SH3PXD2B: variants seen among roughly 807,000 people sequenced by gnomAD.
SH3PXD2B encodes SH3 and PX domains 2B, also known as SH3 and PX domain-containing protein 2B.
SH3PXD2B carries 37 observed loss-of-function variants against 73.1 expected under a neutral mutation model. The observed-to-expected ratio is 0.51, with a 90% CI of 0.39 to 0.67. The LOEUF (loss-of-function observed/expected upper bound fraction) is 0.67. SH3PXD2B is among the 30% of genes least tolerant of loss of function. The pLI, the probability that SH3PXD2B is intolerant of heterozygous loss-of-function variation, is 0.00. For missense variants in SH3PXD2B, 1,053 were observed against 1,197.8 expected (o/e 0.88, Z 1.78); for synonymous variants, 457 against 480.5 (o/e 0.95, Z 0.64).
chr5:172,416,619 C>T (rs1281962434), intron 2 of SH3PXD2B, among the ~76,000 whole-genome samples: 3 of 145,064 alleles, frequency 2.1e-5, no homozygotes, highest in Admixed American at 6.9e-5. Flanking sequence ...AGCCACTGCG[C>T]CCGGCCTCTA....
intron 8 of SH3PXD2B, among the ~76,000 whole-genome samples, chr5:172,355,320 T>C (rs752346079): frequency 1.3e-5 from 2 of 152,226 alleles, no homozygotes; most frequent in African/African-American, 4.8e-5. Flanking sequence ...GCACATATCC[T>C]GTGCTCAGCA....
intron 1 of SH3PXD2B, among the ~76,000 whole-genome samples, chr5:172,424,812 G>C (rs1359003798): frequency 6.6e-6 from 1 of 152,214 alleles, no homozygotes; most frequent in Non-Finnish European, 1.5e-5. Flanking sequence ...CAAGCATACA[G>C]AGTTGTGATT....
chr5:172,426,485 A>AGC (rs938482956), intron 1 of SH3PXD2B, among the ~76,000 whole-genome samples: 11 of 152,244 alleles, frequency 7.2e-5, no homozygotes, highest in South Asian at 2.1e-4. Context: ...TGCAACGTTC[A>AGC]GCTTCCCTCA....
chr5:172,371,891 G>A (rs1048126599), intron 6 of SH3PXD2B, among the ~76,000 whole-genome samples: 20 of 152,182 alleles, frequency 1.3e-4, no homozygotes, highest in Non-Finnish European at 1.3e-4. Flanking sequence ...TCTTTTCTGA[G>A]AAACATATAA....
chr5:172,386,945 A>C (rs745311347), intron 4 of SH3PXD2B, among the ~76,000 whole-genome samples: 1 of 152,206 alleles, frequency 6.6e-6, no homozygotes, highest in Non-Finnish European at 1.5e-5. Flanking sequence ...GTTGTGATAT[A>C]AAGTTTTCTC....
At chr5:172,440,151 G>A (rs2113503614) in intron 1 of SH3PXD2B, among the ~76,000 whole-genome samples, 1 of 152,328 alleles carries the variant, frequency 6.6e-6, no homozygotes, top group East Asian at 1.9e-4. Context: ...TTCAAGTGAG[G>A]GCCTCTCTCG....
chr5:172,416,836 G>C (rs1339799210), intron 2 of SH3PXD2B, among the ~76,000 whole-genome samples: 2 of 151,038 alleles, frequency 1.3e-5, no homozygotes, highest in Non-Finnish European at 2.9e-5. Flanking sequence ...AGCCTCCCAA[G>C]TAGCCTGGGC....
At chr5:172,356,266 G>C (rs1757271252) in intron 8 of SH3PXD2B, among the ~76,000 whole-genome samples, 1 of 152,162 alleles carries the variant, frequency 6.6e-6, no homozygotes, top group South Asian at 2.1e-4. Flanking sequence ...GGTGGTGAGA[G>C]AGTCCCAGAT....
chr5:172,329,081 A>AT (rs67185423), downstream of SH3PXD2B, among the ~76,000 whole-genome samples: 15 of 68,214 alleles, frequency 2.2e-4, no homozygotes, highest in East Asian at 8.8e-4. Context: ...ATATATATAT[A>AT]TATTTTTTTT....
intron 3 of SH3PXD2B, among the ~76,000 whole-genome samples, chr5:172,404,869 T>G (rs1487997828): frequency 6.6e-6 from 1 of 152,182 alleles, no homozygotes; most frequent in Non-Finnish European, 1.5e-5. Flanking sequence ...GGCACAAATT[T>G]TGGAGCCAGC....
intron 1 of SH3PXD2B, among the ~76,000 whole-genome samples, chr5:172,438,841 C>CA (rs1179716707): frequency 1.3e-5 from 2 of 151,084 alleles, no homozygotes; most frequent in East Asian, 1.9e-4. Context: ...CATGCTACAC[C>CA]AAAAAACAAA....
At chr5:172,383,561 C>T (rs1171571922) in intron 4 of SH3PXD2B, among the ~76,000 whole-genome samples, 1 of 152,198 alleles carries the variant, frequency 6.6e-6, no homozygotes, top group Non-Finnish European at 1.5e-5. Context: ...TGGCCCGGGC[C>T]CTGGACCAGG....
Position 172,339,245 on chromosome 5 carries a change from A to G in SH3PXD2B, c.1860T>C (p.Thr620=), listed in dbSNP as rs907335200. ...PNLRPISKSK[T]DLPEEKPDAT... is the part of the protein sequence containing the mutation. ...CATCTGGCTTCTCCTCTGGCAGGTC[A>G]GTTTTGGATTTGGAGATGGGCCGGA... Residue 620 remains threonine (T), a synonymous_variant, in exon 13 of 13, where the codon ACT becomes ACC. Transcript: ENST00000311601. The surrounding 1 kb of genome is among the most constrained non-coding windows in gnomAD (Gnocchi z 6.1). The G allele has an allele frequency of 1.3e-5, 21 of 1,614,032 alleles. No homozygotes were observed. Among genetic ancestry groups the G allele is most frequent in the Non-Finnish European group, 1.6e-5 (19 of 1,180,024 alleles).
chr5:172,363,310 T>C (rs1757438485), intron 6 of SH3PXD2B, among the ~76,000 whole-genome samples: 1 of 152,016 alleles, frequency 6.6e-6, no homozygotes, highest in African/African-American at 2.4e-5. Flanking sequence ...TCATCACCCA[T>C]CCAAAATCAC....
chr5:172,362,868 C>G lies in SH3PXD2B; in HGVS notation c.429G>C (p.Gly143=), dbSNP rs370913076. ...TGGGGTCCACTGAGGTTTGGTCACC[C>G]CCTGTGGATAGGAAACAGACATGAC... ...KEEHIGKKKS[G]GDQTSVDPMV... Residue 143 remains glycine, a splice_region_variant and synonymous_variant, in exon 7 of 13, where the codon GGG becomes GGC. Transcript: ENST00000311601. The G allele has an allele frequency of 6.8e-6, 11 of 1,614,040 alleles. No homozygotes were observed. The African/African-American group carries it at 1.5e-4, about 22-fold the overall frequency.
At chr5:172,392,144 ATGAATATATT>A (rs915635112) in intron 4 of SH3PXD2B, among the ~76,000 whole-genome samples, 1 of 151,940 alleles carries the variant, frequency 6.6e-6, no homozygotes, top group Non-Finnish European at 1.5e-5. Flanking sequence ...CCCCTAGAAT[ATGAATATATT>A]TGGAGATGGG....
chr5:172,374,363 C>A (rs767625084), intron 5 of SH3PXD2B, among the ~76,000 whole-genome samples: 1 of 152,046 alleles, frequency 6.6e-6, no homozygotes, highest in Non-Finnish European at 1.5e-5. Context: ...CCCTTACCGT[C>A]GTCACCCGTG....
chr5:172,333,412 AG>A (rs1295389296), downstream of SH3PXD2B: 3 of 792,008 alleles, frequency 3.8e-6, no homozygotes, highest in African/African-American at 5.7e-5. Flanking sequence ...TAGCTGGCAT[AG>A]GTTTCTGTTC....
intron 2 of SH3PXD2B, among the ~76,000 whole-genome samples, chr5:172,412,653 A>G (rs1050223029): frequency 1.3e-5 from 2 of 152,160 alleles, no homozygotes; most frequent in African/African-American, 4.8e-5. Context: ...ACGGCCACCA[A>G]TTGCATCTAT....
Sources: allele counts gnomAD v4.1 joint callset (sites outside exome capture counted in the v4.1 genomes callset), GRCh38; gene constraint gnomAD v4.1.1; non-coding constraint Gnocchi (gnomAD v3.1); transcripts MANE v1.5; gene names NCBI Gene and HGNC (gene_info 2026-07-23, HGNC 2026-07-21).